The following RHCG variants were observed in gnomAD, a reference collection of about 807,000 sequenced individuals.
RHCG encodes the protein ammonium transporter Rh type C.
A neutral mutation model predicts 55.3 loss-of-function variants in RHCG; 39 were observed. The ratio of observed to expected loss-of-function variants is 0.70; its 90% CI spans 0.55 to 0.92. RHCG has a LOEUF of 0.92. Among genes scored for constraint, RHCG ranks in the 40% least tolerant of loss-of-function variants. The pLI is 0.00. For missense variants in RHCG, 635 were observed against 627.9 expected (o/e 1.01, Z -0.12); for synonymous variants, 250 against 246.8 (o/e 1.01, Z -0.12).
At chr15:89,491,869 GTTCT>G (rs1961482133) in intron 1 of RHCG, among the ~76,000 whole-genome samples, 1 of 152,184 alleles carries the variant, frequency 6.6e-6, no homozygotes, top group South Asian at 2.1e-4. Flanking sequence ...AGATCTACAG[GTTCT>G]TTGTCAGTCA....
At chr15:89,472,125 T>C (rs1961048529) in intron 10 of RHCG, among the ~76,000 whole-genome samples, 1 of 152,204 alleles carries the variant, frequency 6.6e-6, no homozygotes, top group African/African-American at 2.4e-5. Context: ...CACTTGCTAG[T>C]TGTGTGATCT....
intron 1 of RHCG, among the ~76,000 whole-genome samples, chr15:89,489,462 C>A (rs538109047): frequency 6.6e-6 from 1 of 152,190 alleles, no homozygotes; most frequent in Non-Finnish European, 1.5e-5. Context: ...GTTTGAGCAA[C>A]TTTTTGTAAA....
Position 89,477,378 on chromosome 15 carries a change from G to T in RHCG, c.1112+139C>A. ...AACTCTAAGGGACAGAGTTTGGGGA[G>T]AGAGACCCATGAAACAATTGGTCCA... On this transcript the variant is annotated intron_variant, in intron 7 of 10. Transcript: ENST00000268122. This position sits in a 1 kb window ranked among gnomAD's most constrained non-coding sequence, Gnocchi z 4.5. 3 of 1,401,866 alleles carry T rather than the reference G, an allele frequency of 2.1e-6. No individual in the cohort carries two copies. The highest frequency in any genetic ancestry group is 2.4e-5 in the East Asian group (1 of 41,626). The allele number at this position is 1,401,866 out of a possible 1,614,324, so 86.8% of individuals were successfully genotyped here. A position where few individuals can be genotyped will look rare whatever the true frequency, so the allele number is the denominator to read the frequency against.
chr15:89,483,554 T>A (rs1961307428), intron 2 of RHCG, among the ~76,000 whole-genome samples: 1 of 152,294 alleles, frequency 6.6e-6, no homozygotes, highest in East Asian at 1.9e-4. Flanking sequence ...TTCCCTGCCC[T>A]GTAGCTTCTA....
intron 9 of RHCG, among the ~76,000 whole-genome samples, chr15:89,475,493 G>A (rs950304560): frequency 4.6e-5 from 7 of 152,228 alleles, no homozygotes; most frequent in South Asian, 2.1e-4. Flanking sequence ...TGATCTGCCC[G>A]CCTCGGCCTC....
At chr15:89,490,716 G>C in intron 1 of RHCG, among the ~76,000 whole-genome samples, 1 of 152,026 alleles carries the variant, frequency 6.6e-6, no homozygotes, top group Non-Finnish European at 1.5e-5. Context: ...CAAGGCAGTG[G>C]GAAGAGGTTG....
Position 89,477,770 on chromosome 15 carries a change from G to A in RHCG, c.975+67C>T, listed in dbSNP as rs1012495589. The A allele has an allele frequency of 1.7e-5, 27 of 1,607,062 alleles. No individual in the cohort carries two copies. The highest frequency in any genetic ancestry group is 2.3e-5 in the Non-Finnish European group (27 of 1,175,056). On this transcript the variant is annotated intron_variant, in intron 6 of 10. Coordinates refer to ENST00000268122, the MANE Select transcript of RHCG (RefSeq NM_016321.3). The surrounding 1 kb of genome is among the most constrained non-coding windows in gnomAD (Gnocchi z 4.5). ...TCAGCCCCCTCCCTAGGAACCCTCA[G>A]CTCACTGTCAGGAACACAAAGACCT...
At chr15:89,476,882 C>G in intron 8 of RHCG, 54 bp from the exon 9 acceptor site, 1 of 1,564,854 alleles carries the variant, frequency 6.4e-7, no homozygotes, top group Non-Finnish European at 8.8e-7. Flanking sequence ...CTCTGCTCAC[C>G]CCAGCCATTT....
chr15:89,483,172 A>G lies in RHCG; in HGVS notation c.417T>C (p.Phe139=), dbSNP rs1459285274. The G allele has an allele frequency of 6.3e-7, 1 of 1,596,918 alleles. No homozygotes were observed. Among genetic ancestry groups the G allele is most frequent in the East Asian group, 2.3e-5 (1 of 44,420 alleles). The change falls in exon 3 of 11, where the codon TTT becomes TTC. Residue 139 remains phenylalanine (F), a synonymous_variant. Coordinates refer to ENST00000268122, the MANE Select transcript of RHCG (RefSeq NM_016321.3). ...GGCTGACTTTACCCAGAACTGCCCC[A>G]AAGGCCACGCAGACAGAGGCCACGC... ...DFCVASVCVA[F]GAVLGKVSPI...
chr15:89,488,715 G>A (rs544380839), intron 1 of RHCG, among the ~76,000 whole-genome samples: 1 of 147,852 alleles, frequency 6.8e-6, no homozygotes, highest in African/African-American at 2.5e-5. Context: ...ATGACAAAAG[G>A]TATTAAAGTT....
chr15:89,494,566 C>T (rs966746994), intron 1 of RHCG, among the ~76,000 whole-genome samples: 8 of 151,608 alleles, frequency 5.3e-5, no homozygotes, highest in African/African-American at 1.9e-4. Context: ...GATGTAAGGA[C>T]TGTACCTCCC....
intron 5 of RHCG, among the ~76,000 whole-genome samples, chr15:89,478,751 G>C (rs1270623315): frequency 6.6e-6 from 1 of 152,162 alleles, no homozygotes; most frequent in Non-Finnish European, 1.5e-5. Flanking sequence ...CGATACTCCA[G>C]ACAGTGTCTC....
In RHCG at chr15:89,486,947, C is replaced by T; in HGVS notation, c.223G>A (p.Gly75Ser). 6 of 1,607,530 alleles carry T rather than the reference C, an allele frequency of 3.7e-6. No homozygotes were observed. The highest frequency in any genetic ancestry group is 5.1e-6 in the Non-Finnish European group (6 of 1,175,132). ...CGCTGCAGGAAAGTCATGAGGAAGCCGAAGCCCACGAAGACCATCACGTGC... is the reference window on the plus strand; with the variant it reads ...CGCTGCAGGAAAGTCATGAGGAAGCTGAAGCCCACGAAGACCATCACGTGC... ...DVHVMVFVGF[G>S]FLMTFLQRYG... Residue 75 changes from glycine (G) to serine (S), a missense_variant, in exon 2 of 11, where the codon GGC (glycine) becomes AGC (serine). Transcript: ENST00000268122.
At position 89,477,685 on chromosome 15, in the gene RHCG, G is replaced by A. The variant is rs73468553; in HGVS notation, c.976-32C>T. 0.013 allele frequency: 20,246 copies of A among 1,611,598 alleles called. 2,069 individuals are homozygous for A. In the African/African-American group the frequency reaches 0.23, roughly 18 times the overall value. ...ACGGGAGGTGGGTGCTGCTCAGGCC[G>A]GGGGCTGCATCAAGGGTGTGGGGAG... On this transcript the variant is annotated intron_variant, in intron 6 of 10. Transcript: ENST00000268122. The surrounding 1 kb of genome is among the most constrained non-coding windows in gnomAD (Gnocchi z 4.5).
intron 2 of RHCG, 200 bp downstream of exon 2, chr15:89,486,599 A>AGAGAGTGTGAGTGTGTGT: frequency 2.5e-4 from 66 of 264,430 alleles, no homozygotes; most frequent in Non-Finnish European, 3.1e-4. Flanking sequence ...AGAGAGAGAG[A>AGAGAGTGTGAGTGTGTGT]GTGTGTGTGT....
At chr15:89,483,870 G>C (rs1475791695) in intron 2 of RHCG, among the ~76,000 whole-genome samples, 2 of 152,298 alleles carry the variant, frequency 1.3e-5, no homozygotes, top group South Asian at 4.1e-4. Context: ...CATAGGTCCT[G>C]CTCAAGCCTG....
chr15:89,482,906 A>G (rs996631886), intron 3 of RHCG, among the ~76,000 whole-genome samples, 161 bp downstream of exon 3: 2 of 152,200 alleles, frequency 1.3e-5, no homozygotes, highest in Non-Finnish European at 2.9e-5. Flanking sequence ...CCTGCCTGGT[A>G]GATATTATTA....
chr15:89,490,402 A>T (rs1961452332), intron 1 of RHCG, among the ~76,000 whole-genome samples: 3 of 152,318 alleles, frequency 2.0e-5, no homozygotes, highest in Admixed American at 2.0e-4. Context: ...CTTCCCTCTG[A>T]ATTTAGCATC....
intron 3 of RHCG, among the ~76,000 whole-genome samples, chr15:89,482,480 A>G (rs938064963): frequency 6.6e-6 from 1 of 152,162 alleles, no homozygotes; most frequent in Non-Finnish European, 1.5e-5. Flanking sequence ...GGTGCTAAGA[A>G]AAGGGTGCAG....
Sources: allele counts gnomAD v4.1 joint callset (sites outside exome capture counted in the v4.1 genomes callset), GRCh38; gene constraint gnomAD v4.1.1; non-coding constraint Gnocchi (gnomAD v3.1); transcripts MANE v1.5; gene names NCBI Gene and HGNC (gene_info 2026-07-23, HGNC 2026-07-21).